Variants in PTPN5 observed in about 807,000 individuals in gnomAD.
PTPN5 encodes the protein tyrosine-protein phosphatase non-receptor type 5.
Under a neutral mutation model 73.9 loss-of-function variants are expected in PTPN5, and 29 were observed. The ratio of observed to expected loss-of-function variants is 0.39; its 90% confidence interval spans 0.29 to 0.54. PTPN5 has a LOEUF of 0.54. PTPN5 is among the 20% of genes least tolerant of loss of function. The pLI, the probability that PTPN5 is intolerant of heterozygous loss-of-function variation, is 0.65. For missense variants in PTPN5, 652 were observed against 751.4 expected (o/e 0.87, Z 1.55); for synonymous variants, 267 against 304.7 (o/e 0.88, Z 1.29).
intron 1 of PTPN5, among the ~76,000 whole-genome samples, chr11:18,786,912 G>A (rs1328256604): frequency 6.6e-6 from 1 of 152,178 alleles, no homozygotes; most frequent in African/African-American, 2.4e-5. Flanking sequence ...CTGCAAATAT[G>A]GGTCTTTGTG....
At chr11:18,745,305 T>C (rs1323806130) in intron 3 of PTPN5, among the ~76,000 whole-genome samples, 1 of 152,188 alleles carries the variant, frequency 6.6e-6, no homozygotes, top group Non-Finnish European at 1.5e-5. Flanking sequence ...AGCATAGCCG[T>C]TTGTCCATGA....
At position 18,728,810 on chromosome 11, in the gene PTPN5, G is replaced by C. The variant is rs1848737730; in HGVS notation, c.*124C>G. On this transcript the variant is annotated 3_prime_UTR_variant, in exon 15 of 15. Transcript: ENST00000358540. This position sits in a 1 kb window ranked among gnomAD's most constrained non-coding sequence, Gnocchi z 4.1. ...GTAGGGGTCAGGCCAGGCTGACAGA[G>C]GACAGAGGGAGCTGACTGAAGGGGA... The C allele has an allele frequency of 1.2e-6, 1 of 848,976 alleles. No individual in the cohort carries two copies. The highest frequency in any genetic ancestry group is 1.9e-6 in the Non-Finnish European group (1 of 540,054). The allele number at this position is 848,976 out of a possible 1,614,324, so 52.6% of individuals were successfully genotyped here. A position where few individuals can be genotyped will look rare whatever the true frequency, so the allele number is the denominator to read the frequency against.
chr11:18,780,021 A>T (rs1385869570), intron 1 of PTPN5, among the ~76,000 whole-genome samples: 1 of 152,126 alleles, frequency 6.6e-6, no homozygotes, highest in East Asian at 1.9e-4. Flanking sequence ...ATTCCTGCTG[A>T]CCTGGCTCGA....
chr11:18,746,276 C>T (rs185074488), intron 3 of PTPN5, among the ~76,000 whole-genome samples: 1,850 of 148,266 alleles, frequency 0.012, 15 homozygotes, highest in Middle Eastern at 0.022. Flanking sequence ...ACTGCAACCT[C>T]CGCCTCCTGG....
At chr11:18,768,882 C>A (rs1850753011) in intron 2 of PTPN5, among the ~76,000 whole-genome samples, 1 of 152,220 alleles carries the variant, frequency 6.6e-6, no homozygotes, top group African/African-American at 2.4e-5. Flanking sequence ...CCCTCCCCAC[C>A]AAGAGCAGAA....
At chr11:18,778,632 G>A (rs1851279644) in intron 1 of PTPN5, among the ~76,000 whole-genome samples, 1 of 152,194 alleles carries the variant, frequency 6.6e-6, no homozygotes, top group Admixed American at 6.5e-5. Context: ...TTCGCTGTGT[G>A]ATGTGCCTGT....
At chr11:18,744,251 G>C in intron 3 of PTPN5, 52 bp from the exon 4 acceptor site, 1 of 1,423,420 alleles carries the variant, frequency 7.0e-7, no homozygotes, top group Non-Finnish European at 9.2e-7. Flanking sequence ...TCCACAGGCA[G>C]GGCTCTGCCA....
At position 18,733,260 on chromosome 11, in the gene PTPN5, A is replaced by T; in HGVS notation, c.1193T>A (p.Ile398Asn). The change falls in exon 11 of 15, where the codon ATC becomes AAC. Residue 398 changes from isoleucine to asparagine, a missense_variant. Physicochemically the swap from Ile to Asn is moderately radical, Grantham distance 149. Coordinates refer to ENST00000358540, the MANE Select transcript of PTPN5 (RefSeq NM_006906.2). This position sits in a 1 kb window ranked among gnomAD's most constrained non-coding sequence, Gnocchi z 4.3. ...WQEHTPIIVM[I>N]TNIEEMNEKC... ...CTCGTTCATCTCCTCGATGTTGGTGATCATGACAATGATGGGCGTGTGCTC... is the reference window on the plus strand; with the variant it reads ...CTCGTTCATCTCCTCGATGTTGGTGTTCATGACAATGATGGGCGTGTGCTC... 3 of 1,613,818 alleles carry T rather than the reference A, an allele frequency of 1.9e-6. No individual in the cohort carries two copies. The highest frequency in any genetic ancestry group is 2.5e-6 in the Non-Finnish European group (3 of 1,179,756).
chr11:18,758,895 T>C (rs1235445197), intron 3 of PTPN5, among the ~76,000 whole-genome samples: 2 of 152,208 alleles, frequency 1.3e-5, no homozygotes, highest in Non-Finnish European at 2.9e-5. Flanking sequence ...TCTTTAAGTG[T>C]CATCACACAT....
intron 3 of PTPN5, among the ~76,000 whole-genome samples, chr11:18,765,544 C>T (rs1339623922): frequency 3.3e-5 from 5 of 152,222 alleles, no homozygotes; most frequent in Admixed American, 6.5e-5. Context: ...AGCTCTTCGT[C>T]CTTCTTTTCA....
chr11:18,731,185 ATATATT>A (rs1848858247), intron 12 of PTPN5, among the ~76,000 whole-genome samples: 3 of 147,666 alleles, frequency 2.0e-5, no homozygotes, highest in African/African-American at 7.4e-5. Context: ...TTTATATATT[ATATATT>A]TATATTATAT....
chr11:18,779,686 A>G (rs1381144509), intron 1 of PTPN5, among the ~76,000 whole-genome samples: 1 of 152,176 alleles, frequency 6.6e-6, no homozygotes, highest in Non-Finnish European at 1.5e-5. Context: ...ACCTGGGCCC[A>G]GGGCAGGCTG....
chr11:18,728,139 A>G lies in PTPN5; in HGVS notation c.*795T>C, dbSNP rs1056393827. The stretch of plus-strand genomic sequence containing the variant: ...CGCATGGACATGGGAACACACGCAG[A>G]GCAACACGCAGTGAGACTTCTGGGA... On this transcript the variant is annotated 3_prime_UTR_variant, in exon 15 of 15. Transcript: ENST00000358540. The surrounding 1 kb of genome is among the most constrained non-coding windows in gnomAD (Gnocchi z 4.1). The G allele has an allele frequency of 2.0e-5, 3 of 152,684 alleles. No individual in the cohort carries two copies. Among genetic ancestry groups the G allele is most frequent in the Admixed American group, 6.5e-5 (1 of 15,284 alleles). 9.5% of individuals were successfully genotyped at this position (152,684 alleles called of 1,614,324 possible).
intron 3 of PTPN5, among the ~76,000 whole-genome samples, chr11:18,761,004 G>A (rs1850360895): frequency 6.6e-6 from 1 of 152,250 alleles, no homozygotes; most frequent in Non-Finnish European, 1.5e-5. Context: ...AGGTTTGAGG[G>A]GTGGCCAAGG....
chr11:18,733,908 A>G lies in PTPN5; in HGVS notation c.1001-273T>C, dbSNP rs1275535556. Among the ~76,000 whole-genome samples the G allele has an allele frequency of 1.3e-5, 2 of 152,206 alleles. No individual in the cohort carries two copies. Among genetic ancestry groups the G allele is most frequent in the African/African-American group, 2.4e-5 (1 of 41,452 alleles). On this transcript the variant is annotated intron_variant, in intron 9 of 14. Coordinates refer to ENST00000358540, the MANE Select transcript of PTPN5 (RefSeq NM_006906.2). The surrounding 1 kb of genome is among the most constrained non-coding windows in gnomAD (Gnocchi z 4.3). ...TCTTAAGTTGCCCTATACTCACTGCATCTTAGCTTCTGGAGAGGAGACAGC... is the reference window on the plus strand; with the variant it reads ...TCTTAAGTTGCCCTATACTCACTGCGTCTTAGCTTCTGGAGAGGAGACAGC...
chr11:18,763,162 C>T (rs763854649), intron 3 of PTPN5, among the ~76,000 whole-genome samples: 8 of 152,144 alleles, frequency 5.3e-5, no homozygotes, highest in Admixed American at 2.6e-4. Flanking sequence ...ACAACTTGCT[C>T]GGCCTCTGCA....
chr11:18,752,550 A>G (rs1849939673), intron 3 of PTPN5, among the ~76,000 whole-genome samples: 1 of 152,188 alleles, frequency 6.6e-6, no homozygotes, highest in Non-Finnish European at 1.5e-5. Flanking sequence ...TCTGCCAGAT[A>G]ATTAAGTTCA....
chr11:18,729,049 TG>T lies in PTPN5; in HGVS notation c.1605-23del, dbSNP rs780052864. 1.9e-6 allele frequency: 3 copies of T among 1,612,160 alleles called. No individual in the cohort carries two copies. The African/African-American group carries it at 4.0e-5, about 22-fold the overall frequency. On this transcript the variant is annotated intron_variant, in intron 14 of 14. Transcript: ENST00000358540. The surrounding 1 kb of genome is among the most constrained non-coding windows in gnomAD (Gnocchi z 5.2). ...GCCCCTGCCCGGCAGAGATGCACAG[TG>T]GGGGCAGGGTCGTGGAGGGATGGGC...
intron 3 of PTPN5, among the ~76,000 whole-genome samples, chr11:18,753,099 G>A (rs1163716159): frequency 6.6e-6 from 1 of 152,224 alleles, no homozygotes; most frequent in Non-Finnish European, 1.5e-5. Context: ...CTGGCTTGGG[G>A]TTCTTTGAAA....
Sources: allele counts gnomAD v4.1 joint callset (sites outside exome capture counted in the v4.1 genomes callset), GRCh38; gene constraint gnomAD v4.1.1; non-coding constraint Gnocchi (gnomAD v3.1); transcripts MANE v1.5; gene names NCBI Gene and HGNC (gene_info 2026-07-23, HGNC 2026-07-21).